GRK1: variants seen among roughly 807,000 people sequenced by gnomAD.
The protein encoded by GRK1 is rhodopsin kinase GRK1.
In GRK1, 28 loss-of-function variants were observed where a neutral mutation model predicts 41.7. That is an observed-to-expected ratio of 0.67 (90% CI 0.50 to 0.92). GRK1 has a LOEUF of 0.92. Among genes scored for constraint, GRK1 ranks in the 40% least tolerant of loss-of-function variants. The pLI, the probability that GRK1 is intolerant of heterozygous loss-of-function variation, is 0.00. For missense variants in GRK1, 703 were observed against 671.2 expected, an observed-to-expected ratio of 1.05 and a Z score of -0.52; for synonymous variants, 327 against 286.7, an observed-to-expected ratio of 1.14 and a Z score of -1.42.
In GRK1 at chr13:113,735,395, G is replaced by A. The variant is rs1206758541; in HGVS notation, c.*32G>A. Reference sequence around the variant, plus strand: ...CCCCAGAGTCCACGTGGAGGAAAAGGACCCATACGGCTCGATGGGGGCCGC... The same window carrying A: ...CCCCAGAGTCCACGTGGAGGAAAAGAACCCATACGGCTCGATGGGGGCCGC... On this transcript the variant is annotated 3_prime_UTR_variant, in exon 7 of 7. Coordinates refer to ENST00000335678, the MANE Select transcript of GRK1 (RefSeq NM_002929.3). 1.4e-6 allele frequency: 2 copies of A among 1,451,588 alleles called. No homozygotes were observed. Among genetic ancestry groups the A allele is most frequent in the South Asian group, 1.4e-5 (1 of 70,088 alleles). 89.9% of individuals were successfully genotyped at this position (1,451,588 alleles called of 1,614,324 possible). A position where few individuals can be genotyped will look rare whatever the true frequency, so the allele number is the denominator to read the frequency against.
In GRK1 at chr13:113,735,081, C is replaced by T. The variant is rs373523388; in HGVS notation, c.1410C>T (p.Pro470=). 1.3e-6 allele frequency: 2 copies of T among 1,516,074 alleles called. No homozygotes were observed. Among genetic ancestry groups the T allele is most frequent in the African/African-American group, 2.8e-5 (2 of 72,582 alleles). 93.9% of individuals were successfully genotyped at this position (1,516,074 alleles called of 1,614,324 possible). ...WRQLEAGMLM[P]PFIPDSKTVY... ...TGTCTCCCACAGGGATGCTGATGCC[C>T]CCTTTCATCCCAGACTCCAAAACTG... is the stretch of plus-strand genomic sequence containing the variant. Residue 470 remains proline (P), a synonymous_variant, in exon 7 of 7, where the codon CCC becomes CCT. Transcript: ENST00000335678.
the GRK1 span, chr13:113,658,081 A>G: frequency 6.2e-7 from 1 of 1,611,696 alleles, no homozygotes; most frequent in East Asian, 2.2e-5. Flanking sequence ...TCCGGGTTCC[A>G]GCAGTAACGC....
In GRK1 at chr13:113,671,783, G is replaced by C; in HGVS notation, c.985+127G>C. The C allele has an allele frequency of 1.5e-6, 1 of 668,702 alleles. No homozygotes were observed. Among genetic ancestry groups the C allele is most frequent in the South Asian group, 1.6e-5 (1 of 62,734 alleles). The allele number at this position is 668,702 out of a possible 1,614,324, so 41.4% of individuals were successfully genotyped here. On this transcript the variant is annotated intron_variant, in intron 3 of 6. Transcript: ENST00000335678. This position sits in a 1 kb window ranked among gnomAD's most constrained non-coding sequence, Gnocchi z 4.1. ...TGGACGGTGGGGGTTCATGAGGGCT[G>C]ACGGCTTCGTGGACGGTGGAGGTGT...
At chr13:113,650,482 G>A in the GRK1 span, 98 of 1,613,786 alleles carry the variant, frequency 6.1e-5, no homozygotes, top group African/African-American at 4.3e-4. The surrounding 1 kb of genome is among the most constrained non-coding windows in gnomAD (Gnocchi z 5.0). Flanking sequence ...GACCTGCAGC[G>A]GCTGGCCGAG....
At chr13:113,730,320 AGTCCCC>A (rs1846218769) in intron 4 of GRK1, among the ~76,000 whole-genome samples, 2 of 124,480 alleles carry the variant, frequency 1.6e-5, no homozygotes, top group South Asian at 2.8e-4. Flanking sequence ...CCATCCCGAC[AGTCCCC>A]CAGTCCCCGC....
At chr13:113,669,561 T>C (rs2049842113) in intron 1 of GRK1, 126 bp from the exon 2 acceptor site, 1 of 1,144,044 alleles carries the variant, frequency 8.7e-7, no homozygotes. Context: ...AAGGCGCATT[T>C]AAAGCATGTT....
intron 6 of GRK1, chr13:113,734,366 C>G (rs576501622): frequency 6.6e-6 from 1 of 152,410 alleles, no homozygotes; most frequent in Admixed American, 6.5e-5. Context: ...CCCCGCCCGC[C>G]CTGTAAGGAA....
chr13:113,735,399 C>T lies in GRK1; in HGVS notation c.*36C>T, dbSNP rs894479170. ...AGAGTCCACGTGGAGGAAAAGGACCCATACGGCTCGATGGGGGCCGCCTGC... is the reference window on the plus strand; with the variant it reads ...AGAGTCCACGTGGAGGAAAAGGACCTATACGGCTCGATGGGGGCCGCCTGC... On this transcript the variant is annotated 3_prime_UTR_variant, in exon 7 of 7. Coordinates refer to ENST00000335678, the MANE Select transcript of GRK1 (RefSeq NM_002929.3). 6.9e-7 allele frequency: 1 copy of T among 1,442,996 alleles called. No homozygotes were observed. The highest frequency in any genetic ancestry group is 1.4e-5 in the African/African-American group (1 of 70,114). 89.4% of individuals were successfully genotyped at this position (1,442,996 alleles called of 1,614,324 possible).
the GRK1 span, among the ~76,000 whole-genome samples, chr13:113,656,244 A>G: frequency 6.6e-6 from 1 of 151,976 alleles, no homozygotes; most frequent in Non-Finnish European, 1.5e-5. Flanking sequence ...TGTGGCTTCT[A>G]TTTGACTTGG....
At chr13:113,652,438 T>G in the GRK1 span, among the ~76,000 whole-genome samples, 2 of 152,224 alleles carry the variant, frequency 1.3e-5, no homozygotes, top group African/African-American at 4.8e-5. Context: ...GGACCTGCCC[T>G]GCTCGAGCCT....
chr13:113,733,961 T>TGTGTATGTGTGTGCATAC lies in GRK1; in HGVS notation c.1396+880_1396+881insATGTGTGTGCATACGTGT, dbSNP rs1335323164. Reference sequence around the variant, plus strand: ...ACGTGTGTGCGTGTGTGTGCATACGTGTGTGTGCGTGTGTGCGCATGTGTG... The same window carrying TGTGTATGTGTGTGCATAC: ...ACGTGTGTGCGTGTGTGTGCATACGTGTGTATGTGTGTGCATACGTGTGTGCGTGTGTGCGCATGTGTG... On this transcript the variant is annotated intron_variant, in intron 6 of 6. Coordinates refer to ENST00000335678, the MANE Select transcript of GRK1 (RefSeq NM_002929.3). Among the ~76,000 whole-genome samples, 145 of 125,846 alleles carry TGTGTATGTGTGTGCATAC rather than the reference T, an allele frequency of 1.2e-3. 1 individual carries two copies. The highest frequency in any genetic ancestry group is 3.9e-3 in the African/African-American group (140 of 36,166). The allele number at this position is 125,846 out of a possible 152,430, so 82.6% of individuals were successfully genotyped here. A position where few individuals can be genotyped will look rare whatever the true frequency, so the allele number is the denominator to read the frequency against.
At chr13:113,668,860 T>G (rs1163335764) in intron 1 of GRK1, among the ~76,000 whole-genome samples, 2 of 152,208 alleles carry the variant, frequency 1.3e-5, no homozygotes, top group East Asian at 3.9e-4. Context: ...CAGCAGCCAC[T>G]GTGCACCCTG....
chr13:113,649,678 C>A, the GRK1 span: 1 of 964,182 alleles, frequency 1.0e-6, no homozygotes. This position sits in a 1 kb window ranked among gnomAD's most constrained non-coding sequence, Gnocchi z 4.7. Flanking sequence ...GAGTGCATGC[C>A]CTGGAATTTG....
chr13:113,727,031 C>G (rs1007460931), intron 4 of GRK1, among the ~76,000 whole-genome samples: 4 of 152,262 alleles, frequency 2.6e-5, no homozygotes, highest in Non-Finnish European at 5.9e-5. Flanking sequence ...CTGCCTGGTC[C>G]CAGGACATCC....
chr13:113,731,076 C>A lies in GRK1; in HGVS notation c.1070-143C>A. 1 of 1,249,784 alleles carries A rather than the reference C, an allele frequency of 8.0e-7. No homozygotes were observed. Among genetic ancestry groups the A allele is most frequent in the Non-Finnish European group, 1.1e-6 (1 of 924,876 alleles). The allele number at this position is 1,249,784 out of a possible 1,614,324, so 77.4% of individuals were successfully genotyped here. On this transcript the variant is annotated intron_variant, in intron 4 of 6. Transcript: ENST00000335678. The surrounding 1 kb of genome is among the most constrained non-coding windows in gnomAD (Gnocchi z 5.6). The stretch of plus-strand genomic sequence containing the variant: ...AGTAACACACAGGGCAGCCCCTCCA[C>A]AAAGGATTTTCTGGCCCCAAATGTG...
chr13:113,665,283 G>A (rs1018116056), upstream of GRK1, among the ~76,000 whole-genome samples: 2 of 152,166 alleles, frequency 1.3e-5, no homozygotes, highest in African/African-American at 4.8e-5. Context: ...AGACAGGCAG[G>A]GCCATGCCCT....
chr13:113,656,412 G>T, the GRK1 span, among the ~76,000 whole-genome samples: 4 of 152,206 alleles, frequency 2.6e-5, no homozygotes, highest in Non-Finnish European at 5.9e-5. Flanking sequence ...GCGAGTCTCA[G>T]CTCCACCAGG....
chr13:113,732,754 G>C (rs1439707298), intron 5 of GRK1, 130 bp from the exon 6 acceptor site: 4 of 872,470 alleles, frequency 4.6e-6, no homozygotes, highest in African/African-American at 1.7e-5. Context: ...GTGCTGGGGA[G>C]GGGCACAAGG....
chr13:113,655,106 A>G, the GRK1 span, among the ~76,000 whole-genome samples: 30 of 152,220 alleles, frequency 2.0e-4, 1 homozygote, highest in South Asian at 6.2e-3. Context: ...AACAGTCACT[A>G]CAATCCCCTC....
Sources: allele counts gnomAD v4.1 joint callset (sites outside exome capture counted in the v4.1 genomes callset), GRCh38; gene constraint gnomAD v4.1.1; non-coding constraint Gnocchi (gnomAD v3.1); transcripts MANE v1.5; gene names NCBI Gene and HGNC (gene_info 2026-07-23, HGNC 2026-07-21).